The following UBE2QL1 variants were observed in gnomAD, a reference collection of about 807,000 sequenced individuals.
UBE2QL1 encodes ubiquitin-conjugating enzyme E2Q-like protein 1.
A neutral mutation model predicts 12.6 loss-of-function variants in UBE2QL1; 5 were observed. The ratio of observed to expected loss-of-function variants is 0.40; its 90% CI spans 0.21 to 0.83. The LOEUF (loss-of-function observed/expected upper bound fraction) is 0.83. Ranked by LOEUF, UBE2QL1 falls within the 40% of genes least tolerant of loss-of-function variation. The probability of loss-of-function intolerance (pLI) is 0.37; values close to 1 mark genes in which losing one functional copy is unlikely to be tolerated. For synonymous variants in UBE2QL1, 96 were observed against 94.5 expected, an observed-to-expected ratio of 1.02 and a Z score of -0.10; for missense variants, 99 against 222.6, an observed-to-expected ratio of 0.44 and a Z score of 3.53.
intron 1 of UBE2QL1, among the ~76,000 whole-genome samples, chr5:6,471,432 A>G (rs920787608): frequency 7.2e-5 from 11 of 152,160 alleles, no homozygotes; most frequent in Non-Finnish European, 1.6e-4. Context: ...GGTTCCCATG[A>G]GCACTCATGT....
At position 6,448,869 on chromosome 5, in the gene UBE2QL1, C is replaced by T. The variant is rs1197004809; in HGVS notation, c.-25C>T. 3 of 1,462,608 alleles carry T rather than the reference C, an allele frequency of 2.1e-6. No individual in the cohort carries two copies. Among genetic ancestry groups the T allele is most frequent in the Non-Finnish European group, 2.7e-6 (3 of 1,104,296 alleles). The allele number at this position is 1,462,608 out of a possible 1,614,324, so 90.6% of individuals were successfully genotyped here. ...TCCCCGCGGCGCGCCAGCAACACTGCACGCAGGTGCGCAGCCGGCGGCTCA... is the reference window on the plus strand; with the variant it reads ...TCCCCGCGGCGCGCCAGCAACACTGTACGCAGGTGCGCAGCCGGCGGCTCA... On this transcript the variant is annotated 5_prime_UTR_variant, in exon 1 of 2. Coordinates refer to ENST00000399816, the MANE Select transcript of UBE2QL1 (RefSeq NM_001145161.3).
intron 1 of UBE2QL1, among the ~76,000 whole-genome samples, chr5:6,487,201 G>A: frequency 6.6e-6 from 1 of 152,214 alleles, no homozygotes; most frequent in East Asian, 1.9e-4. Context: ...GTTAAGTTTG[G>A]GGCCACTTGT....
intron 1 of UBE2QL1, among the ~76,000 whole-genome samples, chr5:6,467,938 G>A (rs80029268): frequency 0.13 from 19,070 of 151,800 alleles, 1,552 homozygotes; most frequent in Non-Finnish European, 0.19. Context: ...TATCTCTTAC[G>A]CCTGACTTTT....
chr5:6,482,374 C>T (rs543921166), intron 1 of UBE2QL1, among the ~76,000 whole-genome samples: 3 of 152,286 alleles, frequency 2.0e-5, no homozygotes, highest in African/African-American at 7.2e-5. Flanking sequence ...CCACCTCCAC[C>T]CCCCAGCAAG....
intron 1 of UBE2QL1, among the ~76,000 whole-genome samples, chr5:6,461,625 T>TA (rs1739668358): frequency 2.7e-5 from 4 of 145,894 alleles, no homozygotes; most frequent in African/African-American, 7.6e-5. Context: ...TCTAAATCAG[T>TA]TCCTGGGCCT....
intron 1 of UBE2QL1, among the ~76,000 whole-genome samples, chr5:6,463,026 G>A (rs1047110518): frequency 2.0e-5 from 3 of 152,118 alleles, no homozygotes; most frequent in East Asian, 1.9e-4. Context: ...CCACTTCTTC[G>A]CTACTGACTC....
In UBE2QL1 at chr5:6,495,852, C is replaced by T; in HGVS notation, c.*4503C>T. ...TACTTATCCTTCTAATTTTTGCAGC[C>T]TCTAGTTCCCATAGTATTAAATATC... is the stretch of plus-strand genomic sequence containing the variant. On this transcript the variant is annotated 3_prime_UTR_variant, in exon 2 of 2. Transcript: ENST00000399816. 6.6e-6 allele frequency among the ~76,000 whole-genome samples: 1 copy of T among 152,208 alleles called. No individual in the cohort carries two copies. The highest frequency in any genetic ancestry group is 1.9e-4 in the East Asian group (1 of 5,198).
chr5:6,491,101 C>A, intron 1 of UBE2QL1, 117 bp from the exon 2 acceptor site: 2 of 1,169,880 alleles, frequency 1.7e-6, no homozygotes, highest in Non-Finnish European at 2.4e-6. Context: ...GTGGCCAGTG[C>A]ATTGCATTGA....
chr5:6,450,347 G>A (rs1221408278), intron 1 of UBE2QL1, among the ~76,000 whole-genome samples: 2 of 152,130 alleles, frequency 1.3e-5, no homozygotes, highest in Non-Finnish European at 2.9e-5. Flanking sequence ...GCAGCTTTAC[G>A]CAAAGAAACC....
chr5:6,468,109 G>A (rs147312732), intron 1 of UBE2QL1, among the ~76,000 whole-genome samples: 70 of 152,032 alleles, frequency 4.6e-4, no homozygotes, highest in African/African-American at 1.5e-3. Context: ...ACCTTTCACC[G>A]TCTCTATAAA....
intron 1 of UBE2QL1, among the ~76,000 whole-genome samples, chr5:6,473,753 T>C (rs569253681): frequency 6.6e-6 from 1 of 152,356 alleles, no homozygotes; most frequent in East Asian, 1.9e-4. Flanking sequence ...TTTTTGCTGC[T>C]TCAAATATGG....
intron 1 of UBE2QL1, among the ~76,000 whole-genome samples, chr5:6,483,460 G>A (rs1734404418): frequency 6.8e-6 from 1 of 147,164 alleles, no homozygotes; most frequent in Admixed American, 6.7e-5. Flanking sequence ...AAAAAAAAAT[G>A]AGGAGCCCAC....
chr5:6,489,974 G>A (rs16877375), intron 1 of UBE2QL1, among the ~76,000 whole-genome samples: 17,468 of 152,266 alleles, frequency 0.11, 1,791 homozygotes, highest in African/African-American at 0.26. Context: ...TTCTGTTCGC[G>A]AAGGTTCCTG....
intron 1 of UBE2QL1, among the ~76,000 whole-genome samples, chr5:6,451,545 G>C (rs536223059): frequency 6.6e-6 from 1 of 152,266 alleles, no homozygotes; most frequent in South Asian, 2.1e-4. Flanking sequence ...CACCTAGCAT[G>C]TCATGTTATG....
At chr5:6,466,369 C>T (rs1319602092) in intron 1 of UBE2QL1, among the ~76,000 whole-genome samples, 2 of 152,238 alleles carry the variant, frequency 1.3e-5, no homozygotes, top group African/African-American at 4.8e-5. Flanking sequence ...CCTCCTCCCA[C>T]AGCCTCTCCC....
In UBE2QL1 at chr5:6,476,043, A is replaced by C. The variant is rs759297212; in HGVS notation, c.355-15175A>C. Among the ~76,000 whole-genome samples, 2 of 152,132 alleles carry C rather than the reference A, an allele frequency of 1.3e-5. No homozygotes were observed. Among genetic ancestry groups the C allele is most frequent in the Non-Finnish European group, 2.9e-5 (2 of 68,026 alleles). ...AACTTGTGATAAGTTCATCACACCCACTGAAATGGCTCAGAACACTTTCAG... is the reference window on the plus strand; with the variant it reads ...AACTTGTGATAAGTTCATCACACCCCCTGAAATGGCTCAGAACACTTTCAG... On this transcript the variant is annotated intron_variant, in intron 1 of 1. Transcript: ENST00000399816. This position sits in a 1 kb window ranked among gnomAD's most constrained non-coding sequence, Gnocchi z 4.9.
In UBE2QL1 at chr5:6,480,789, A is replaced by C. The variant is rs115780429; in HGVS notation, c.355-10429A>C. On this transcript the variant is annotated intron_variant, in intron 1 of 1. Coordinates refer to ENST00000399816, the MANE Select transcript of UBE2QL1 (RefSeq NM_001145161.3). ...AGTGGCTTCGCTTTAATTCCTTATG[A>C]GTATCACCAAAGTATACACGAAACC... Among the ~76,000 whole-genome samples, 1,033 of 152,292 alleles carry C rather than the reference A, an allele frequency of 6.8e-3. 7 individuals are homozygous for C. The highest frequency in any genetic ancestry group is 0.014 in the Middle Eastern group (4 of 294).
intron 1 of UBE2QL1, among the ~76,000 whole-genome samples, chr5:6,470,789 C>T (rs1398212572): frequency 6.6e-6 from 1 of 152,180 alleles, no homozygotes; most frequent in Non-Finnish European, 1.5e-5. Context: ...ATCATGTTTG[C>T]TCCTTGTACC....
Position 6,481,928 on chromosome 5 carries a change from T to C in UBE2QL1, c.355-9290T>C, listed in dbSNP as rs1734370468. 6.6e-6 allele frequency among the ~76,000 whole-genome samples: 1 copy of C among 152,226 alleles called. No homozygotes were observed. Among genetic ancestry groups the C allele is most frequent in the African/African-American group, 2.4e-5 (1 of 41,454 alleles). On this transcript the variant is annotated intron_variant, in intron 1 of 1. Coordinates refer to ENST00000399816, the MANE Select transcript of UBE2QL1 (RefSeq NM_001145161.3). The surrounding 1 kb of genome is among the most constrained non-coding windows in gnomAD (Gnocchi z 4.5). ...TTTATGCCTGCCGTGGGCAGAGTTA[T>C]GTCCTCCCCAAAATAGTTGAAGTCC...
Sources: gnomAD v4.1 joint callset for allele counts (sites outside exome capture counted in the v4.1 genomes callset) on GRCh38, gnomAD v4.1.1 for gene constraint, Gnocchi (gnomAD v3.1) non-coding constraint, MANE v1.5 for transcripts, NCBI Gene and HGNC (gene_info 2026-07-23, HGNC 2026-07-21) for gene names.